CDC14C: variants seen among roughly 807,000 people sequenced by gnomAD.
CDC14C encodes the protein dual specificity protein phosphatase CDC14C.
In CDC14C, 19 loss-of-function variants were observed where a neutral mutation model predicts 26.9. That is an observed-to-expected ratio of 0.71 (90% CI 0.49 to 1.04). The LOEUF is 1.04. Ranked by LOEUF, CDC14C falls within the 50% of genes least tolerant of loss-of-function variation. CDC14C has a pLI of 0.00. For synonymous variants in CDC14C, 185 were observed against 180.1 expected, an observed-to-expected ratio of 1.03 and a Z score of -0.22; for missense variants, 423 against 520.0, an observed-to-expected ratio of 0.81 and a Z score of 1.81.
In CDC14C at chr7:48,924,547, G is replaced by T. The variant is rs1413214485; in HGVS notation, c.-126G>T. ...CAGCCTTGGCGGCGCGCGCGGGGCC[G>T]TGGTCGTTGCTCCCTGACTGGCCGC... On this transcript the variant is annotated 5_prime_UTR_variant, in exon 1 of 1. Coordinates refer to ENST00000650262, the MANE Select transcript of CDC14C (RefSeq NM_152627.3). The T allele has an allele frequency of 1.3e-5, 8 of 627,566 alleles. No individual in the cohort carries two copies. Among genetic ancestry groups the T allele is most frequent in the South Asian group, 1.2e-4 (6 of 51,766 alleles). The allele number at this position is 627,566 out of a possible 1,614,324, so 38.9% of individuals were successfully genotyped here. A position where few individuals can be genotyped will look rare whatever the true frequency, so the allele number is the denominator to read the frequency against.
chr7:48,925,316 C>G lies in CDC14C; in HGVS notation c.644C>G (p.Pro215Arg). 6.2e-7 allele frequency: 1 copy of G among 1,604,258 alleles called. No individual in the cohort carries two copies. The highest frequency in any genetic ancestry group is 8.5e-7 in the Non-Finnish European group (1 of 1,171,020). The change falls in exon 1 of 1, where the codon CCC becomes CGC. Residue 215 changes from proline (P) to arginine (R), a missense_variant. Coordinates refer to ENST00000650262, the MANE Select transcript of CDC14C (RefSeq NM_152627.3). Reference sequence around the variant, plus strand: ...GAAAGTGGTTACCACCAACATTCTCCCGAGACTTATATTCAATATTTTAAG... The same window carrying G: ...GAAAGTGGTTACCACCAACATTCTCGCGAGACTTATATTCAATATTTTAAG... ...RLESGYHQHS[P>R]ETYIQYFKNH...
Position 48,925,520 on chromosome 7 carries a change from A to C in CDC14C, c.848A>C (p.His283Pro), listed in dbSNP as rs771929267. Residue 283 changes from histidine to proline, a missense_variant, in exon 1 of 1, where the codon CAT becomes CCT. His to Pro is a moderately conservative substitution (Grantham distance 77). Around this residue, in one of 3 missense-constraint regions of CDC14C, gnomAD observed 22 missense variants for 69.1 expected, o/e 0.32. Coordinates refer to ENST00000650262, the MANE Select transcript of CDC14C (RefSeq NM_152627.3). ...AATGCTGAGGGTGCCATTGCAGTAC[A>C]TTGTAAAGCTGGCCTTGGTCGCACA... is the stretch of plus-strand genomic sequence containing the variant. ...CENAEGAIAV[H>P]CKAGLGRTGT... is the part of the protein sequence containing the mutation. The C allele has an allele frequency of 1.9e-6, 3 of 1,588,936 alleles. No homozygotes were observed. The highest frequency in any genetic ancestry group is 1.1e-5 in the South Asian group (1 of 90,342).
Position 48,926,036 on chromosome 7 carries a change from A to C in CDC14C, c.*20A>C, listed in dbSNP as rs1798883065. The C allele has an allele frequency of 1.4e-6, 1 of 739,438 alleles. No homozygotes were observed. Among genetic ancestry groups the C allele is most frequent in the Admixed American group, 1.9e-5 (1 of 52,942 alleles). The allele number at this position is 739,438 out of a possible 1,614,324, so 45.8% of individuals were successfully genotyped here. A position where few individuals can be genotyped will look rare whatever the true frequency, so the allele number is the denominator to read the frequency against. On this transcript the variant is annotated 3_prime_UTR_variant, in exon 1 of 1. Coordinates refer to ENST00000650262, the MANE Select transcript of CDC14C (RefSeq NM_152627.3). ...TTCTGACTCAAAGATTTCAGAACAT[A>C]GTAGCCATCAGGACCCCCTGACAGA...
chr7:48,925,638 G>T lies in CDC14C; in HGVS notation c.966G>T (p.Val322=), dbSNP rs544277879. ...TAAGGATCTGCAGACCTGGCTTGGT[G>T]ATCGGGCCTCAGCAGCAGTTTTTGG... The part of the protein sequence containing the change: ...AWVRICRPGL[V]IGPQQQFLVM... The change falls in exon 1 of 1, where the codon GTG becomes GTT. Residue 322 remains valine (V), a synonymous_variant. Coordinates refer to ENST00000650262, the MANE Select transcript of CDC14C (RefSeq NM_152627.3). 24 of 1,575,466 alleles carry T rather than the reference G, an allele frequency of 1.5e-5. No homozygotes were observed. The African/African-American group carries it at 3.1e-4, about 20-fold the overall frequency.
rs544277879 is a variant in CDC14C, at chr7:48,925,638, G to A, written c.966G>A (p.Val322=). 1 of 1,575,466 alleles carries A rather than the reference G, an allele frequency of 6.3e-7. No homozygotes were observed. Among genetic ancestry groups the A allele is most frequent in the Non-Finnish European group, 8.7e-7 (1 of 1,144,670 alleles). The change falls in exon 1 of 1, where the codon GTG becomes GTA. Residue 322 remains valine (V), a synonymous_variant. Coordinates refer to ENST00000650262, the MANE Select transcript of CDC14C (RefSeq NM_152627.3). ...TAAGGATCTGCAGACCTGGCTTGGT[G>A]ATCGGGCCTCAGCAGCAGTTTTTGG... ...AWVRICRPGL[V]IGPQQQFLVM...
Position 48,926,010 on chromosome 7 carries a change from A to G in CDC14C, c.1338A>G (p.Leu446=). 2 of 749,020 alleles carry G rather than the reference A, an allele frequency of 2.7e-6. No individual in the cohort carries two copies. Among genetic ancestry groups the G allele is most frequent in the Non-Finnish European group, 2.5e-6 (1 of 400,918 alleles). 46.4% of individuals were successfully genotyped at this position (749,020 alleles called of 1,614,324 possible). ...GTGACTACATTCTTCCCATCCTGCT[A>G]TTCTGACTCAAAGATTTCAGAACAT... The part of the protein sequence containing the change: ...IVCDYILPIL[L]F The change falls in exon 1 of 1, where the codon CTA becomes CTG. Residue 446 remains leucine (L), a synonymous_variant. Transcript: ENST00000650262.
chr7:48,926,725 G>T lies in CDC14C; in HGVS notation c.*709G>T, dbSNP rs1387762742. ...CCAGCGTGGGCATTAGGGCCATTAT[G>T]AACATGTTACAGTGCTGCAGAGATT... On this transcript the variant is annotated 3_prime_UTR_variant, in exon 1 of 1. Coordinates refer to ENST00000650262, the MANE Select transcript of CDC14C (RefSeq NM_152627.3). Among the ~76,000 whole-genome samples the T allele has an allele frequency of 2.0e-5, 3 of 152,088 alleles. No individual in the cohort carries two copies. The highest frequency in any genetic ancestry group is 4.4e-5 in the Non-Finnish European group (3 of 68,004).
Position 48,925,392 on chromosome 7 carries a change from C to G in CDC14C, c.720C>G (p.Ala240=), listed in dbSNP as rs756527681. 1 of 1,611,766 alleles carries G rather than the reference C, an allele frequency of 6.2e-7. No individual in the cohort carries two copies. Among genetic ancestry groups the G allele is most frequent in the East Asian group, 2.2e-5 (1 of 44,864 alleles). ...IIRLNKRMYD[A]KRFTDAGFDH... Reference sequence around the variant, plus strand: ...GTCTGAATAAAAGGATGTATGATGCCAAACGCTTTACGGATGCTGGCTTCG... The same window carrying G: ...GTCTGAATAAAAGGATGTATGATGCGAAACGCTTTACGGATGCTGGCTTCG... Residue 240 remains alanine (A), a synonymous_variant, in exon 1 of 1, where the codon GCC becomes GCG. Coordinates refer to ENST00000650262, the MANE Select transcript of CDC14C (RefSeq NM_152627.3).
At position 48,926,577 on chromosome 7, in the gene CDC14C, G is replaced by A. The variant is rs1240927937; in HGVS notation, c.*561G>A. On this transcript the variant is annotated 3_prime_UTR_variant, in exon 1 of 1. Transcript: ENST00000650262. ...GGCTAGTTAACTGCGGCAGGAGCAC[G>A]TCCTTAAGGCACAGATGGCTCATGC... Among the ~76,000 whole-genome samples the A allele has an allele frequency of 1.3e-5, 2 of 152,148 alleles. No individual in the cohort carries two copies. Among genetic ancestry groups the A allele is most frequent in the East Asian group, 1.9e-4 (1 of 5,166 alleles).
chr7:48,927,418 C>G lies in CDC14C; in HGVS notation c.*1402C>G, dbSNP rs1219777576. On this transcript the variant is annotated 3_prime_UTR_variant, in exon 1 of 1. Coordinates refer to ENST00000650262, the MANE Select transcript of CDC14C (RefSeq NM_152627.3). ...GGGAGGTTGCCCATTGTTTGGTTGC[C>G]AGTCATACAAATTAAAATCATATTT... Among the ~76,000 whole-genome samples, 2 of 152,092 alleles carry G rather than the reference C, an allele frequency of 1.3e-5. No homozygotes were observed. The highest frequency in any genetic ancestry group is 2.9e-5 in the Non-Finnish European group (2 of 68,030).
In CDC14C at chr7:48,924,619, G is replaced by A. The variant is rs1187216658; in HGVS notation, c.-54G>A. 6 of 975,604 alleles carry A rather than the reference G, an allele frequency of 6.2e-6. No individual in the cohort carries two copies. In the Admixed American group the frequency reaches 9.6e-5, roughly 16 times the overall value. The allele number at this position is 975,604 out of a possible 1,614,324, so 60.4% of individuals were successfully genotyped here. A position where few individuals can be genotyped will look rare whatever the true frequency, so the allele number is the denominator to read the frequency against. ...AAGCAAGGGGCGGTCGAGCTGGGCC[G>A]CCGCGCCCCACTGCTCGCCGCGCTG... is the stretch of plus-strand genomic sequence containing the variant. On this transcript the variant is annotated 5_prime_UTR_variant, in exon 1 of 1. Transcript: ENST00000650262.
chr7:48,926,012 T>C lies in CDC14C; in HGVS notation c.1340T>C (p.Phe447Ser), dbSNP rs401091. 5.7e-5 allele frequency: 42 copies of C among 743,170 alleles called. No homozygotes were observed. Among genetic ancestry groups the C allele is most frequent in the Admixed American group, 2.4e-4 (13 of 53,734 alleles). The allele number at this position is 743,170 out of a possible 1,614,324, so 46.0% of individuals were successfully genotyped here. Residue 447 changes from phenylalanine to serine, a missense_variant, in exon 1 of 1, where the codon TTC becomes TCC. Physicochemically the swap from Phe to Ser is radical, Grantham distance 155. Around this residue, in one of 3 missense-constraint regions of CDC14C, gnomAD observed 91 missense variants for 94.2 expected, o/e 0.97. Transcript: ENST00000650262. ...VCDYILPILL[F>S] is the part of the protein sequence containing the mutation. ...GACTACATTCTTCCCATCCTGCTAT[T>C]CTGACTCAAAGATTTCAGAACATAG...
In CDC14C at chr7:48,925,461, T is replaced by A. The variant is rs762062842; in HGVS notation, c.789T>A (p.Asp263Glu). ...TTGCGGATGGCAGCACCCCTACTGA[T>A]GCCATTGTCAAAAGATTTCTGGATA... Reference protein sequence around the residue: ...LFFADGSTPTDAIVKRFLDIC... With the variant: ...LFFADGSTPTEAIVKRFLDIC... Residue 263 changes from aspartate to glutamate, a missense_variant, in exon 1 of 1, where the codon GAT becomes GAA. Asp to Glu is a conservative substitution (Grantham distance 45). This residue lies in a region of CDC14C where 310 missense variants were observed against 356.8 expected (regional missense o/e 0.87). Coordinates refer to ENST00000650262, the MANE Select transcript of CDC14C (RefSeq NM_152627.3). The A allele has an allele frequency of 1.2e-6, 2 of 1,609,640 alleles. No homozygotes were observed. The highest frequency in any genetic ancestry group is 1.7e-4 in the Middle Eastern group (1 of 6,050).
chr7:48,924,657 G>A lies in CDC14C; in HGVS notation c.-16G>A, dbSNP rs574526908. The A allele has an allele frequency of 1.1e-5, 12 of 1,102,702 alleles. No homozygotes were observed. The highest frequency in any genetic ancestry group is 7.7e-5 in the African/African-American group (5 of 64,572). The allele number at this position is 1,102,702 out of a possible 1,614,324, so 68.3% of individuals were successfully genotyped here. On this transcript the variant is annotated 5_prime_UTR_variant, in exon 1 of 1. Transcript: ENST00000650262. ...GCTCGCCGCGCTGCTCTTTGACCTCGCAGGGTGTGAAGAAGATGCGCAGCT... is the reference window on the plus strand; with the variant it reads ...GCTCGCCGCGCTGCTCTTTGACCTCACAGGGTGTGAAGAAGATGCGCAGCT...
Position 48,925,295 on chromosome 7 carries a change from G to C in CDC14C, c.623G>C (p.Ser208Thr). 1 of 1,605,460 alleles carries C rather than the reference G, an allele frequency of 6.2e-7. No individual in the cohort carries two copies. Among genetic ancestry groups the C allele is most frequent in the Non-Finnish European group, 8.5e-7 (1 of 1,172,060 alleles). The stretch of plus-strand genomic sequence containing the variant: ...CCTCATTCAAGAGCCAGACTTGAAA[G>C]TGGTTACCACCAACATTCTCCCGAG... ...CGPHSRARLE[S>T]GYHQHSPETY... is the part of the protein sequence containing the mutation. The change falls in exon 1 of 1, where the codon AGT becomes ACT. Residue 208 changes from serine to threonine, a missense_variant. Physicochemically the swap from Ser to Thr is moderately conservative, Grantham distance 58. Around this residue, in one of 3 missense-constraint regions of CDC14C, gnomAD observed 310 missense variants for 356.8 expected, o/e 0.87. Transcript: ENST00000650262.
chr7:48,924,573 G>C lies in CDC14C; in HGVS notation c.-100G>C. ...TGGTCGTTGCTCCCTGACTGGCCGCGGCGGCCTCCAGGAAGCGGAAAAGCA... is the reference window on the plus strand; with the variant it reads ...TGGTCGTTGCTCCCTGACTGGCCGCCGCGGCCTCCAGGAAGCGGAAAAGCA... On this transcript the variant is annotated 5_prime_UTR_variant, in exon 1 of 1. Coordinates refer to ENST00000650262, the MANE Select transcript of CDC14C (RefSeq NM_152627.3). 2.7e-6 allele frequency: 2 copies of C among 749,178 alleles called. No homozygotes were observed. Among genetic ancestry groups the C allele is most frequent in the South Asian group, 1.8e-5 (1 of 56,956 alleles). The allele number at this position is 749,178 out of a possible 1,614,324, so 46.4% of individuals were successfully genotyped here.
At position 48,926,928 on chromosome 7, in the gene CDC14C, G is replaced by A. The variant is rs1010839777; in HGVS notation, c.*912G>A. 2.6e-4 allele frequency among the ~76,000 whole-genome samples: 39 copies of A among 152,136 alleles called. No homozygotes were observed. The highest frequency in any genetic ancestry group is 4.7e-4 in the Non-Finnish European group (32 of 68,032). On this transcript the variant is annotated 3_prime_UTR_variant, in exon 1 of 1. Transcript: ENST00000650262. ...GTACTCAGGGAGCTGGCTGGTCTGT[G>A]GTGCATGTGTGTCCTTGTGATGGCA...
Position 48,927,307 on chromosome 7 carries a change from T to C in CDC14C, c.*1291T>C, listed in dbSNP as rs1224023388. ...TGCAAGAGAATATTAGTGGTAGCTT[T>C]AGAAGACTCAGGAGGAGAAACTGAC... On this transcript the variant is annotated 3_prime_UTR_variant, in exon 1 of 1. Transcript: ENST00000650262. 6.6e-6 allele frequency among the ~76,000 whole-genome samples: 1 copy of C among 152,228 alleles called. No homozygotes were observed. The highest frequency in any genetic ancestry group is 2.4e-5 in the African/African-American group (1 of 41,456).
rs1798846584 is a variant in CDC14C at position 48,924,560 on chromosome 7, C to T, written c.-113C>T. 7.2e-6 allele frequency: 5 copies of T among 692,836 alleles called. No homozygotes were observed. The East Asian group carries it at 1.4e-4, about 19-fold the overall frequency. The allele number at this position is 692,836 out of a possible 1,614,324, so 42.9% of individuals were successfully genotyped here. On this transcript the variant is annotated 5_prime_UTR_variant, in exon 1 of 1. Coordinates refer to ENST00000650262, the MANE Select transcript of CDC14C (RefSeq NM_152627.3). ...GCGCGCGGGGCCGTGGTCGTTGCTC[C>T]CTGACTGGCCGCGGCGGCCTCCAGG...
Sources: allele counts gnomAD v4.1 joint callset (sites outside exome capture counted in the v4.1 genomes callset), GRCh38; gene constraint gnomAD v4.1.1; regional missense constraint gnomAD v4.1.1; transcripts MANE v1.5; gene names NCBI Gene and HGNC (gene_info 2026-07-23, HGNC 2026-07-21).